PTPRM: variants seen among roughly 807,000 people sequenced by gnomAD.
PTPRM encodes the protein receptor-type tyrosine-protein phosphatase mu.
A neutral mutation model predicts 186.7 loss-of-function variants in PTPRM; 47 were observed. The ratio of observed to expected loss-of-function variants is 0.25; its 90% CI spans 0.20 to 0.32. PTPRM has a LOEUF of 0.32. PTPRM is among the 10% of genes least tolerant of loss of function. The pLI is 1.00. For synonymous variants in PTPRM, 668 were observed against 674.9 expected (o/e 0.99, Z 0.16); for missense variants, 1,494 against 1,865.0 (o/e 0.80, Z 3.66).
chr18:8,333,516 A>G (rs1380747445), intron 22 of PTPRM, among the ~76,000 whole-genome samples: 2 of 152,248 alleles, frequency 1.3e-5, no homozygotes, highest in Non-Finnish European at 2.9e-5. Context: ...ATAAAGCTTT[A>G]TAATAAAAAC....
intron 14 of PTPRM, among the ~76,000 whole-genome samples, chr18:8,185,071 T>G (rs1194018518): frequency 6.6e-6 from 1 of 152,180 alleles, no homozygotes. Flanking sequence ...TAACAGCAAA[T>G]GTACTTTGCC....
chr18:7,845,673 C>G (rs910020506), intron 2 of PTPRM, among the ~76,000 whole-genome samples: 8 of 152,016 alleles, frequency 5.3e-5, no homozygotes, highest in African/African-American at 1.9e-4. Flanking sequence ...TTGACAGTGT[C>G]TTTTTATTTT....
chr18:7,809,505 T>C (rs2044399526), intron 2 of PTPRM, among the ~76,000 whole-genome samples: 1 of 152,078 alleles, frequency 6.6e-6, no homozygotes. Context: ...TGCACTGTCA[T>C]GTGTTGCCCT....
At chr18:7,604,261 C>A (rs2037475545) in intron 1 of PTPRM, among the ~76,000 whole-genome samples, 1 of 152,144 alleles carries the variant, frequency 6.6e-6, no homozygotes, top group Non-Finnish European at 1.5e-5. Context: ...GATTTAGGAT[C>A]TGGAGGGTTA....
intron 7 of PTPRM, among the ~76,000 whole-genome samples, chr18:7,981,424 G>A (rs1366373173): frequency 6.6e-6 from 1 of 152,108 alleles, no homozygotes; most frequent in Non-Finnish European, 1.5e-5. Flanking sequence ...TGCATTAGTA[G>A]TGCCTAATCA....
At chr18:8,361,482 A>G (rs1323898081) in intron 23 of PTPRM, among the ~76,000 whole-genome samples, 3 of 152,238 alleles carry the variant, frequency 2.0e-5, no homozygotes, top group East Asian at 1.9e-4. Context: ...AGAAATAGAC[A>G]TGATTGTTAT....
chr18:7,893,199 TAATG>T (rs201975509), intron 3 of PTPRM, among the ~76,000 whole-genome samples: 395 of 152,256 alleles, frequency 2.6e-3, no homozygotes, highest in Non-Finnish European at 4.5e-3. Context: ...TAAACAATAA[TAATG>T]CAATCCAGGT....
intron 11 of PTPRM, among the ~76,000 whole-genome samples, chr18:8,097,148 A>G (rs1458304545): frequency 6.6e-6 from 1 of 152,240 alleles, no homozygotes; most frequent in Non-Finnish European, 1.5e-5. Context: ...CAGTGTACAC[A>G]AAAGTGCTAA....
intron 14 of PTPRM, among the ~76,000 whole-genome samples, chr18:8,195,101 A>G (rs1442590570): frequency 6.6e-6 from 1 of 151,040 alleles, no homozygotes; most frequent in Admixed American, 6.6e-5. Flanking sequence ...GGCCAGGAGT[A>G]CTGGGAAGTA....
At chr18:7,743,246 T>A (rs1568068761) in intron 1 of PTPRM, among the ~76,000 whole-genome samples, 1 of 152,246 alleles carries the variant, frequency 6.6e-6, no homozygotes, top group Non-Finnish European at 1.5e-5. Context: ...TGGGAATTAA[T>A]GCCTTTCTTA....
rs1432673782 is a variant in PTPRM at position 8,122,838 on chromosome 18, TGTATG to T, written c.2167+8012_2167+8016del. On this transcript the variant is annotated intron_variant, in intron 13 of 32. Coordinates refer to ENST00000580170, the MANE Select transcript of PTPRM (RefSeq NM_001105244.2). ...GTGGCAGTGTTCTAACAGCTTTGTGTGTATGTACAATAGTTGCAGAGCTGATTGCA... is the reference window on the plus strand; with the variant it reads ...GTGGCAGTGTTCTAACAGCTTTGTGTTACAATAGTTGCAGAGCTGATTGCA... Among the ~76,000 whole-genome samples the T allele has an allele frequency of 1.6e-4, 25 of 152,214 alleles. 1 individual carries two copies. The highest frequency in any genetic ancestry group is 1.6e-3 in the Admixed American group (25 of 15,278).
chr18:8,038,014 T>C lies in PTPRM; in HGVS notation c.1133-31672T>C, dbSNP rs537492538. 1.3e-5 allele frequency among the ~76,000 whole-genome samples: 2 copies of C among 152,354 alleles called. 1 individual carries two copies. The highest frequency in any genetic ancestry group is 4.1e-4 in the South Asian group (2 of 4,828). On this transcript the variant is annotated intron_variant, in intron 7 of 32. Coordinates refer to ENST00000580170, the MANE Select transcript of PTPRM (RefSeq NM_001105244.2). Reference sequence around the variant, plus strand: ...AATTATTTATGTTTGACTGCTGTAATAGACTCTGAGCTTCTTGTCTTTTCA... The same window carrying C: ...AATTATTTATGTTTGACTGCTGTAACAGACTCTGAGCTTCTTGTCTTTTCA...
chr18:7,800,696 TGAGAAA>T (rs1200072104), intron 2 of PTPRM, among the ~76,000 whole-genome samples: 1 of 152,234 alleles, frequency 6.6e-6, no homozygotes, highest in African/African-American at 2.4e-5. Flanking sequence ...GGATACATTC[TGAGAAA>T]TGCATTGTTC....
chr18:8,039,934 A>G (rs996918828), intron 7 of PTPRM, among the ~76,000 whole-genome samples: 1 of 152,232 alleles, frequency 6.6e-6, no homozygotes, highest in Admixed American at 6.5e-5. Flanking sequence ...GAAATAATTG[A>G]AAACCCCAAT....
In PTPRM at chr18:7,741,277, G is replaced by C. The variant is rs1465990811; in HGVS notation, c.74-32872G>C. 2.6e-5 allele frequency: 4 copies of C among 152,294 alleles called. No individual in the cohort carries two copies. The South Asian group carries it at 8.3e-4, about 32-fold the overall frequency. 9.4% of individuals were successfully genotyped at this position (152,294 alleles called of 1,614,324 possible). A position where few individuals can be genotyped will look rare whatever the true frequency, so the allele number is the denominator to read the frequency against. On this transcript the variant is annotated intron_variant, in intron 1 of 32. Coordinates refer to ENST00000580170, the MANE Select transcript of PTPRM (RefSeq NM_001105244.2). ...TTCTTTCATGTGTTGTGCACAGGTGGGCATTGCTCCTGAGAATGCAAGGTG... is the reference window on the plus strand; with the variant it reads ...TTCTTTCATGTGTTGTGCACAGGTGCGCATTGCTCCTGAGAATGCAAGGTG...
At chr18:7,627,929 GA>G (rs2038100283) in intron 1 of PTPRM, among the ~76,000 whole-genome samples, 1 of 152,180 alleles carries the variant, frequency 6.6e-6, no homozygotes, top group African/African-American at 2.4e-5. Flanking sequence ...CACAAATGGA[GA>G]TTCTGATGTA....
chr18:8,379,652 A>G (rs2509541), intron 28 of PTPRM, among the ~76,000 whole-genome samples: 152,302 of 152,308 alleles, frequency 1, 76,148 homozygotes, highest in Non-Finnish European at 1. Flanking sequence ...GGGTTAATAG[A>G]TTTGCAGCAT....
rs200423295 is a variant in PTPRM, at chr18:8,215,549, T to TC, written c.2301-28509_2301-28508insC. On this transcript the variant is annotated intron_variant, in intron 14 of 32. Coordinates refer to ENST00000580170, the MANE Select transcript of PTPRM (RefSeq NM_001105244.2). ...TTTTCTTTCTTTCTTTCTTTTCTTT[T>TC]TTTTTTTTTTTTTTTTTGAGACAAG... Among the ~76,000 whole-genome samples, 677 of 135,390 alleles carry TC rather than the reference T, an allele frequency of 5.0e-3. 6 individuals carry two copies. Among genetic ancestry groups the TC allele is most frequent in the African/African-American group, 0.018 (640 of 34,840 alleles). 88.8% of individuals were successfully genotyped at this position (135,390 alleles called of 152,430 possible).
intron 1 of PTPRM, among the ~76,000 whole-genome samples, chr18:7,737,330 C>T (rs755512873): frequency 1.4e-5 from 2 of 143,158 alleles, no homozygotes; most frequent in South Asian, 2.3e-4. Context: ...CTCCTGACCC[C>T]GTGATCCACC....
Sources: gnomAD v4.1 joint callset for allele counts (sites outside exome capture counted in the v4.1 genomes callset) on GRCh38, gnomAD v4.1.1 for gene constraint, MANE v1.5 for transcripts, NCBI Gene and HGNC (gene_info 2026-07-23, HGNC 2026-07-21) for gene names.